The following MRPS18A variants were observed in gnomAD, a reference collection of about 807,000 sequenced individuals.
The protein encoded by MRPS18A is large ribosomal subunit protein mL66.
Under a neutral mutation model 22.7 loss-of-function variants are expected in MRPS18A, and 20 were observed. The ratio of observed to expected loss-of-function variants is 0.88; its 90% CI spans 0.62 to 1.28. The LOEUF (loss-of-function observed/expected upper bound fraction) is 1.28. Among genes scored for constraint, MRPS18A ranks in the 50% most tolerant of loss-of-function variants. MRPS18A has a pLI of 0.00. For missense variants in MRPS18A, 294 were observed against 262.6 expected (o/e 1.12, Z -0.83); for synonymous variants, 106 against 99.1 (o/e 1.07, Z -0.41).
At chr6:43,675,855 G>C (rs1239856948) in intron 3 of MRPS18A, among the ~76,000 whole-genome samples, 1 of 150,458 alleles carries the variant, frequency 6.6e-6, no homozygotes, top group Non-Finnish European at 1.5e-5. Context: ...GCTTCTCTAT[G>C]AGATTTTTTT....
chr6:43,675,437 G>A, intron 4 of MRPS18A, 57 bp downstream of exon 4: 1 of 1,613,608 alleles, frequency 6.2e-7, no homozygotes, highest in South Asian at 1.1e-5. Flanking sequence ...TGGGGCAGCT[G>A]GGTGGGGAGA....
Position 43,671,858 on chromosome 6 carries a change from T to G in MRPS18A, c.495A>C (p.Lys165Asn). Reference protein sequence around the residue: ...APGSVKPIYKKGPRWNRVRMP... With the variant: ...APGSVKPIYKNGPRWNRVRMP... ...TGCGCACCCTGTTCCAGCGGGGGCC[T>G]TTTTTGTAGATGGGCTTGACGGAGC... The change falls in exon 6 of 6, where the codon AAA becomes AAC. Residue 165 changes from lysine to asparagine, a missense_variant. Transcript: ENST00000372133. 1 of 1,613,200 alleles carries G rather than the reference T, an allele frequency of 6.2e-7. No homozygotes were observed. Among genetic ancestry groups the G allele is most frequent in the Non-Finnish European group, 8.5e-7 (1 of 1,179,576 alleles).
intron 3 of MRPS18A, among the ~76,000 whole-genome samples, chr6:43,676,639 C>T (rs1392321068): frequency 6.6e-6 from 1 of 152,172 alleles, no homozygotes; most frequent in African/African-American, 2.4e-5. Flanking sequence ...CCCAGGAGTT[C>T]GAGACCAGCC....
chr6:43,682,754 A>G (rs1276280774), intron 1 of MRPS18A, among the ~76,000 whole-genome samples: 1 of 152,232 alleles, frequency 6.6e-6, no homozygotes, highest in Non-Finnish European at 1.5e-5. Context: ...TGCAGAGGGA[A>G]GGTCACTGCA....
At chr6:43,686,875 T>C (rs1407330889) in intron 1 of MRPS18A, among the ~76,000 whole-genome samples, 4 of 152,220 alleles carry the variant, frequency 2.6e-5, no homozygotes, top group African/African-American at 9.6e-5. Flanking sequence ...ACATCCTCTT[T>C]ATGAAAACTT....
rs934078058 is a variant in MRPS18A at position 43,671,511 on chromosome 6, T to G, written c.*251A>C. 42 of 557,124 alleles carry G rather than the reference T, an allele frequency of 7.5e-5. No individual in the cohort carries two copies. The highest frequency in any genetic ancestry group is 8.0e-5 in the Non-Finnish European group (25 of 311,664). The allele number at this position is 557,124 out of a possible 1,614,324, so 34.5% of individuals were successfully genotyped here. On this transcript the variant is annotated 3_prime_UTR_variant, in exon 6 of 6. Coordinates refer to ENST00000372133, the MANE Select transcript of MRPS18A (RefSeq NM_018135.4). ...TGGGCAAAACTCCTGTCCCCAGCAC[T>G]GAGCATGGCCTAAGCCCCATAGCAG...
chr6:43,679,549 C>A (rs969174854), intron 2 of MRPS18A, among the ~76,000 whole-genome samples: 1 of 152,100 alleles, frequency 6.6e-6, no homozygotes, highest in South Asian at 2.1e-4. Context: ...AATTACTAAG[C>A]GCAATAAACC....
chr6:43,674,996 C>A (rs1465632431), intron 5 of MRPS18A, among the ~76,000 whole-genome samples: 1 of 152,212 alleles, frequency 6.6e-6, no homozygotes, highest in East Asian at 1.9e-4. Flanking sequence ...GGCCTCTACC[C>A]TCCTTGCGCC....
intron 1 of MRPS18A, 120 bp from the exon 2 acceptor site, chr6:43,681,240 G>T: frequency 1.0e-6 from 1 of 996,214 alleles, no homozygotes; most frequent in Non-Finnish European, 1.5e-6. Context: ...ACTCTCTCAT[G>T]GTCTCCACCT....
At chr6:43,675,105 A>C in intron 5 of MRPS18A, 97 bp downstream of exon 5, 1 of 1,084,158 alleles carries the variant, frequency 9.2e-7, no homozygotes, top group Non-Finnish European at 1.3e-6. Context: ...ATGGGGGTGG[A>C]TGCTTAAGCT....
At chr6:43,687,393 T>C (rs1360898152) in intron 1 of MRPS18A, among the ~76,000 whole-genome samples, 1 of 152,180 alleles carries the variant, frequency 6.6e-6, no homozygotes, top group Non-Finnish European at 1.5e-5. Flanking sequence ...CCGAAAACTT[T>C]TCTGAGCCCT....
Position 43,675,271 on chromosome 6 carries a change from C to G in MRPS18A, c.377G>C (p.Gly126Ala), listed in dbSNP as rs749986587. 2 of 1,535,150 alleles carry G rather than the reference C, an allele frequency of 1.3e-6. No homozygotes were observed. Among genetic ancestry groups the G allele is most frequent in the Admixed American group, 2.1e-5 (1 of 48,418 alleles). ...EECVKMAHRA[G>A]LLPNHRPRLP... ...CCGAGGCCTGTGATTTGGTAATAGACCTGAGTGGCGGGGAAGAGGGGATAG... is the reference window on the plus strand; with the variant it reads ...CCGAGGCCTGTGATTTGGTAATAGAGCTGAGTGGCGGGGAAGAGGGGATAG... Residue 126 changes from glycine (G) to alanine (A), a missense_variant and splice_region_variant, in exon 5 of 6, where the codon GGT (glycine) becomes GCT (alanine). Coordinates refer to ENST00000372133, the MANE Select transcript of MRPS18A (RefSeq NM_018135.4).
At chr6:43,675,325 G>C (rs1457420713) in intron 4 of MRPS18A, 54 bp from the exon 5 acceptor site, 1 of 1,562,302 alleles carries the variant, frequency 6.4e-7, no homozygotes. Flanking sequence ...CAGCTCTGAG[G>C]GGGCCAGAGG....
intron 1 of MRPS18A, among the ~76,000 whole-genome samples, chr6:43,682,570 C>T (rs1167863472): frequency 6.6e-6 from 1 of 152,242 alleles, no homozygotes; most frequent in Non-Finnish European, 1.5e-5. Context: ...AGCCCTGAGG[C>T]TTTCTCCAGA....
At chr6:43,678,730 C>T in intron 2 of MRPS18A, 105 bp from the exon 3 acceptor site, 1 of 781,608 alleles carries the variant, frequency 1.3e-6, no homozygotes, top group Non-Finnish European at 2.1e-6. Context: ...GAAAGTTTAC[C>T]TTGGGGGTTC....
Position 43,672,481 on chromosome 6 carries a change from G to A in MRPS18A, c.447-575C>T, listed in dbSNP as rs770292618. Reference sequence around the variant, plus strand: ...AGGGGGGTGGGGAAAGATGGCTGCCGCCCATGGACCTTTGGCCTCCTTTGG... The same window carrying A: ...AGGGGGGTGGGGAAAGATGGCTGCCACCCATGGACCTTTGGCCTCCTTTGG... On this transcript the variant is annotated intron_variant, in intron 5 of 5. Transcript: ENST00000372133. 180 of 468,392 alleles carry A rather than the reference G, an allele frequency of 3.8e-4. 3 individuals carry two copies. Among genetic ancestry groups the A allele is most frequent in the Non-Finnish European group, 6.6e-5 (15 of 225,884 alleles). 29.0% of individuals were successfully genotyped at this position (468,392 alleles called of 1,614,324 possible).
At chr6:43,681,033 G>T in intron 2 of MRPS18A, 56 bp downstream of exon 2, 1 of 1,577,052 alleles carries the variant, frequency 6.3e-7, no homozygotes. Context: ...CAGAGGAGCG[G>T]CCAGGCAGCT....
intron 3 of MRPS18A, among the ~76,000 whole-genome samples, chr6:43,676,791 T>A (rs1037993472): frequency 6.6e-6 from 1 of 152,236 alleles, no homozygotes; most frequent in Non-Finnish European, 1.5e-5. Context: ...GGCAGGCGCC[T>A]TGCTGCATAA....
Position 43,671,674 on chromosome 6 carries a change from A to G in MRPS18A, c.*88T>C. 6.7e-7 allele frequency: 1 copy of G among 1,494,380 alleles called. No homozygotes were observed. The highest frequency in any genetic ancestry group is 9.3e-7 in the Non-Finnish European group (1 of 1,077,368). The allele number at this position is 1,494,380 out of a possible 1,614,324, so 92.6% of individuals were successfully genotyped here. On this transcript the variant is annotated 3_prime_UTR_variant, in exon 6 of 6. Transcript: ENST00000372133. ...CCAGGCCATCGTGGTGGGGTGGGAC[A>G]GGAGTATAGTTGTGGCCAAGGGCTT...
Sources: gnomAD v4.1 joint callset for allele counts (sites outside exome capture counted in the v4.1 genomes callset) on GRCh38, gnomAD v4.1.1 for gene constraint, MANE v1.5 for transcripts, NCBI Gene and HGNC (gene_info 2026-07-23, HGNC 2026-07-21) for gene names.